Variants in GFRA1 observed in about 807,000 individuals in gnomAD.
GFRA1 encodes the protein GDNF family receptor alpha 1.
A neutral mutation model predicts 51.6 loss-of-function variants in GFRA1; 16 were observed. The ratio of observed to expected loss-of-function variants is 0.31; its 90% confidence interval spans 0.21 to 0.47. GFRA1 has a LOEUF of 0.47. Ranked by LOEUF, GFRA1 falls within the 20% of genes least tolerant of loss-of-function variation. GFRA1 has a pLI of 1.00. For missense variants in GFRA1, 530 were observed against 594.3 expected, an observed-to-expected ratio of 0.89 and a Z score of 1.13; for synonymous variants, 270 against 241.3, an observed-to-expected ratio of 1.12 and a Z score of -1.10.
At chr10:116,146,874 A>G (rs1280347784) in intron 5 of GFRA1, among the ~76,000 whole-genome samples, 1 of 152,212 alleles carries the variant, frequency 6.6e-6, no homozygotes, top group African/African-American at 2.4e-5. Flanking sequence ...TTTTTACAAA[A>G]ACATATATTC....
chr10:116,248,687 C>T (rs1968070259), intron 4 of GFRA1, among the ~76,000 whole-genome samples: 1 of 152,158 alleles, frequency 6.6e-6, no homozygotes, highest in Non-Finnish European at 1.5e-5. Context: ...GTCCATAACC[C>T]CAGTTCACAG....
At chr10:116,072,618 G>T (rs553038942) in intron 9 of GFRA1, among the ~76,000 whole-genome samples, 1 of 151,960 alleles carries the variant, frequency 6.6e-6, no homozygotes, top group African/African-American at 2.4e-5. Context: ...AAAATTAGCC[G>T]GGCATGTTGG....
At chr10:116,191,093 T>C (rs1267468497) in intron 5 of GFRA1, among the ~76,000 whole-genome samples, 2 of 152,188 alleles carry the variant, frequency 1.3e-5, no homozygotes, top group East Asian at 1.9e-4. Flanking sequence ...ATAGCTGCCA[T>C]TGCTAAGGTT....
intron 3 of GFRA1, among the ~76,000 whole-genome samples, chr10:116,269,976 A>G (rs1843769647): frequency 6.6e-6 from 1 of 152,136 alleles, no homozygotes; most frequent in African/African-American, 2.4e-5. Flanking sequence ...AACCTGGCAT[A>G]CGGTTGGAAA....
At position 116,081,510 on chromosome 10, in the gene GFRA1, G is replaced by T. The variant is rs114654489; in HGVS notation, c.1197+8231C>A. 4.0e-3 allele frequency among the ~76,000 whole-genome samples: 613 copies of T among 152,300 alleles called. 5 individuals are homozygous for T. Among genetic ancestry groups the T allele is most frequent in the African/African-American group, 0.014 (585 of 41,548 alleles). On this transcript the variant is annotated intron_variant, in intron 9 of 10. Coordinates refer to ENST00000355422, the MANE Select transcript of GFRA1 (RefSeq NM_005264.8). ...TACAGTGTAGCCATTTATAATGGGG[G>T]CAGGGAGGAACACTGCTTTGCCCTT...
chr10:116,246,805 T>C (rs891053535), intron 4 of GFRA1, among the ~76,000 whole-genome samples: 1 of 152,160 alleles, frequency 6.6e-6, no homozygotes, highest in South Asian at 2.1e-4. Context: ...GTGAATTATA[T>C]CTCAATAAAG....
Position 116,272,041 on chromosome 10 carries a change from G to A in GFRA1, c.-12C>T, listed in dbSNP as rs762441527. On this transcript the variant is annotated 5_prime_UTR_variant, in exon 2 of 11. Coordinates refer to ENST00000355422, the MANE Select transcript of GFRA1 (RefSeq NM_005264.8). The surrounding 1 kb of genome is among the most constrained non-coding windows in gnomAD (Gnocchi z 4.4). Reference sequence around the variant, plus strand: ...GTCGCCAGGAACATGGTGCCGGCGCGGGGCTGGTCCCCGCCCCCCCAAAAA... The same window carrying A: ...GTCGCCAGGAACATGGTGCCGGCGCAGGGCTGGTCCCCGCCCCCCCAAAAA... 12 of 1,553,080 alleles carry A rather than the reference G, an allele frequency of 7.7e-6. No homozygotes were observed. The East Asian group carries it at 1.9e-4, about 25-fold the overall frequency.
chr10:116,067,461 C>T (rs1015322340), intron 9 of GFRA1, among the ~76,000 whole-genome samples: 67 of 152,302 alleles, frequency 4.4e-4, no homozygotes, highest in Non-Finnish European at 7.5e-4. Flanking sequence ...TTCCTATGCT[C>T]GTGGTCACAG....
chr10:116,180,808 C>T (rs1032736315), intron 5 of GFRA1, among the ~76,000 whole-genome samples: 1 of 152,214 alleles, frequency 6.6e-6, no homozygotes, highest in African/African-American at 2.4e-5. Flanking sequence ...ACCACCCCTC[C>T]AAATAACGTT....
chr10:116,077,692 G>GCAAA (rs1219790169), intron 9 of GFRA1, among the ~76,000 whole-genome samples: 36 of 152,314 alleles, frequency 2.4e-4, no homozygotes, highest in African/African-American at 7.2e-4. Flanking sequence ...TTGCTACAAT[G>GCAAA]CAAACATGCC....
intron 9 of GFRA1, among the ~76,000 whole-genome samples, chr10:116,086,723 C>A (rs567999486): frequency 1.3e-5 from 2 of 152,288 alleles, no homozygotes; most frequent in South Asian, 4.1e-4. Context: ...GTGGCTAGAG[C>A]CACTTTTTGT....
At chr10:116,079,007 A>G (rs1280491456) in intron 9 of GFRA1, among the ~76,000 whole-genome samples, 1 of 151,904 alleles carries the variant, frequency 6.6e-6, no homozygotes, top group Non-Finnish European at 1.5e-5. Context: ...TTGGCACAAC[A>G]CTTCCATCCA....
intron 4 of GFRA1, among the ~76,000 whole-genome samples, chr10:116,266,572 G>A (rs1187749617): frequency 2.0e-5 from 3 of 152,338 alleles, no homozygotes; most frequent in Middle Eastern, 3.4e-3. Context: ...ATGCCCTTGA[G>A]ATAGAAAATG....
intron 4 of GFRA1, among the ~76,000 whole-genome samples, chr10:116,235,493 C>T (rs944176486): frequency 6.6e-6 from 1 of 152,142 alleles, no homozygotes; most frequent in African/African-American, 2.4e-5. Context: ...ATCATCACCA[C>T]CCACCACCAT....
intron 4 of GFRA1, chr10:116,255,744 G>A (rs1221298788): frequency 7.8e-7 from 1 of 1,288,538 alleles, no homozygotes; most frequent in East Asian, 5.6e-5. Flanking sequence ...TCTTTACATG[G>A]CATTGCACTC....
chr10:116,143,721 C>T (rs756849633), intron 5 of GFRA1, among the ~76,000 whole-genome samples: 22 of 152,118 alleles, frequency 1.4e-4, no homozygotes, highest in Non-Finnish European at 2.5e-4. Flanking sequence ...AACTCTCTAA[C>T]AAGCTGGAAG....
At chr10:116,082,881 C>A (rs1955912741) in intron 9 of GFRA1, among the ~76,000 whole-genome samples, 1 of 152,180 alleles carries the variant, frequency 6.6e-6, no homozygotes, top group South Asian at 2.1e-4. Flanking sequence ...TCCTTTCTGG[C>A]CCCAGCCTCC....
intron 4 of GFRA1, among the ~76,000 whole-genome samples, chr10:116,226,008 G>A (rs1966270506): frequency 6.6e-6 from 1 of 152,120 alleles, no homozygotes; most frequent in East Asian, 1.9e-4. Context: ...GGACAGTGCT[G>A]GTCTAGTACT....
rs937195229 is a variant in GFRA1, at chr10:116,132,387, G to A, written c.434-6830C>T. ...ATACAGCACATTCAGATGTGAATAT[G>A]GAATCCAGGTGCTGAGTATATATGC... On this transcript the variant is annotated intron_variant, in intron 5 of 10. Transcript: ENST00000355422. Among the ~76,000 whole-genome samples, 12 of 146,260 alleles carry A rather than the reference G, an allele frequency of 8.2e-5. 1 individual carries two copies. The highest frequency in any genetic ancestry group is 3.5e-4 in the Admixed American group (5 of 14,372).
Sources: gnomAD v4.1 joint callset for allele counts (sites outside exome capture counted in the v4.1 genomes callset) on GRCh38, gnomAD v4.1.1 for gene constraint, Gnocchi (gnomAD v3.1) non-coding constraint, MANE v1.5 for transcripts, NCBI Gene and HGNC (gene_info 2026-07-23, HGNC 2026-07-21) for gene names.